SMIM35: variants seen among roughly 807,000 people sequenced by gnomAD.
The protein encoded by SMIM35 is TMPRSS4 antisense RNA 1 (non-protein coding).
chr11:118,015,354 G>A (rs1444724219), intron 2 of SMIM35, among the ~76,000 whole-genome samples: 1 of 152,176 alleles, frequency 6.6e-6, no homozygotes, highest in East Asian at 1.9e-4. Context: ...AGACACACAA[G>A]GAGCCTGTTG....
chr11:118,008,554 T>C (rs1404855531), intron 4 of SMIM35, among the ~76,000 whole-genome samples: 1 of 152,180 alleles, frequency 6.6e-6, no homozygotes, highest in Non-Finnish European at 1.5e-5. Flanking sequence ...GATCATTCCT[T>C]AGGTTATCCT....
chr11:118,073,284 T>C (rs1944601721), intron 1 of SMIM35, among the ~76,000 whole-genome samples: 1 of 152,168 alleles, frequency 6.6e-6, no homozygotes, highest in African/African-American at 2.4e-5. Flanking sequence ...GTCAGAAGTA[T>C]TGTTATCCCC....
At chr11:118,022,031 T>A (rs1010454720) in intron 1 of SMIM35, among the ~76,000 whole-genome samples, 1 of 140,770 alleles carries the variant, frequency 7.1e-6, no homozygotes, top group Non-Finnish European at 1.5e-5. Flanking sequence ...AAACAATAAG[T>A]CTTTTTTTTT....
chr11:118,013,073 T>G (rs1375791158), intron 4 of SMIM35, among the ~76,000 whole-genome samples: 1 of 152,178 alleles, frequency 6.6e-6, no homozygotes, highest in African/African-American at 2.4e-5. Context: ...AAGCCGCTGC[T>G]GCCCAGCCAG....
intron 1 of SMIM35, among the ~76,000 whole-genome samples, chr11:118,017,191 G>A (rs925258252): frequency 3.9e-5 from 6 of 152,304 alleles, no homozygotes; most frequent in Admixed American, 2.6e-4. Flanking sequence ...TAAAGAAAAA[G>A]GCCAGGTTAC....
intron 1 of SMIM35, chr11:118,029,106 G>A: frequency 7.2e-6 from 2 of 277,156 alleles, no homozygotes; most frequent in South Asian, 7.1e-5. Flanking sequence ...CACGCTTGAA[G>A]TATAGCATAA....
chr11:118,027,142 C>T lies in SMIM35; in HGVS notation c.8-11333G>A, dbSNP rs201614600. On this transcript the variant is annotated intron_variant, in intron 1 of 4. Transcript: ENST00000689828. ...TCCCGGGTTCACGCCATTCTCCTGC[C>T]TCAGCCTCCCGAGTAGCTGGGACTA... Among the ~76,000 whole-genome samples, 670 of 136,970 alleles carry T rather than the reference C, an allele frequency of 4.9e-3. 8 individuals are homozygous for T. Among genetic ancestry groups the T allele is most frequent in the East Asian group, 0.043 (126 of 2,936 alleles). 89.9% of individuals were successfully genotyped at this position (136,970 alleles called of 152,430 possible).
intron 1 of SMIM35, among the ~76,000 whole-genome samples, chr11:118,079,634 G>C (rs1284430402): frequency 6.6e-6 from 1 of 152,138 alleles, no homozygotes; most frequent in Non-Finnish European, 1.5e-5. Context: ...AACACCTGAG[G>C]TCAACCCCCT....
intron 4 of SMIM35, among the ~76,000 whole-genome samples, chr11:118,007,161 G>A (rs1418486731): frequency 6.6e-6 from 1 of 151,802 alleles, no homozygotes; most frequent in African/African-American, 2.4e-5. Flanking sequence ...GGAGGGAGAA[G>A]TAGGTTCTTG....
chr11:118,076,515 C>G (rs1453641463), intron 1 of SMIM35, among the ~76,000 whole-genome samples: 16 of 152,024 alleles, frequency 1.1e-4, no homozygotes, highest in Non-Finnish European at 2.4e-4. Flanking sequence ...GACGTGGGCT[C>G]TAGCCAGAGC....
intron 1 of SMIM35, among the ~76,000 whole-genome samples, chr11:118,063,107 G>T (rs1162225319): frequency 6.6e-6 from 1 of 152,224 alleles, no homozygotes; most frequent in Non-Finnish European, 1.5e-5. Context: ...TCCACCCCTT[G>T]TTTAGCATAT....
intron 1 of SMIM35, among the ~76,000 whole-genome samples, chr11:118,020,169 G>A (rs988944859): frequency 1.3e-5 from 2 of 152,176 alleles, no homozygotes; most frequent in African/African-American, 4.8e-5. Flanking sequence ...AGGAGGCTAA[G>A]GCAGGAGAAT....
chr11:118,078,702 G>T (rs1283345769), intron 1 of SMIM35, among the ~76,000 whole-genome samples: 2 of 152,082 alleles, frequency 1.3e-5, no homozygotes, highest in South Asian at 4.1e-4. Context: ...GGTGTCTCTT[G>T]GGGGAGCAAC....
chr11:118,046,590 G>A (rs1040032257), intron 1 of SMIM35, among the ~76,000 whole-genome samples: 1 of 152,172 alleles, frequency 6.6e-6, no homozygotes, highest in Non-Finnish European at 1.5e-5. Flanking sequence ...TCCAATTAAG[G>A]CAAGTCAGGG....
intron 1 of SMIM35, among the ~76,000 whole-genome samples, chr11:118,048,959 A>AAAAAAAAAAAAAAAAAAAAAAC (rs1208788629): frequency 1.3e-5 from 2 of 151,394 alleles, no homozygotes; most frequent in South Asian, 2.1e-4. Flanking sequence ...AAAAAAAAAA[A>AAAAAAAAAAAAAAAAAAAAAAC]AAAAAGCAAG....
chr11:118,045,708 T>C (rs1345450067), intron 1 of SMIM35, among the ~76,000 whole-genome samples: 2 of 152,260 alleles, frequency 1.3e-5, no homozygotes, highest in Non-Finnish European at 2.9e-5. Flanking sequence ...GTTTGTTTAC[T>C]GCTCTCTAAA....
chr11:118,048,499 C>A (rs138904129), intron 1 of SMIM35, among the ~76,000 whole-genome samples: 1 of 143,350 alleles, frequency 7.0e-6, no homozygotes, highest in Admixed American at 7.2e-5. Flanking sequence ...GATGACAGAG[C>A]GAGACTCCAT....
At chr11:118,023,129 G>C (rs2058245732) in intron 1 of SMIM35, among the ~76,000 whole-genome samples, 1 of 151,812 alleles carries the variant, frequency 6.6e-6, no homozygotes, top group South Asian at 2.1e-4. Context: ...ATATTACCAG[G>C]CACTCAGAGA....
intron 1 of SMIM35, among the ~76,000 whole-genome samples, chr11:118,052,364 C>T (rs594603): frequency 0.13 from 20,118 of 152,056 alleles, 1,426 homozygotes; most frequent in Middle Eastern, 0.15. Context: ...CTGCTGAGGG[C>T]AGGCTGGGGC....
Sources: allele counts gnomAD v4.1 joint callset (sites outside exome capture counted in the v4.1 genomes callset), GRCh38; gene constraint gnomAD v4.1.1; transcripts MANE v1.5; gene names NCBI Gene and HGNC (gene_info 2026-07-23, HGNC 2026-07-21).